RASGEF1C: variants seen among roughly 807,000 people sequenced by gnomAD.
RASGEF1C encodes the protein RasGEF domain family member 1C, also known as ras-GEF domain-containing family member 1C.
In RASGEF1C, 27 loss-of-function variants were observed where a neutral mutation model predicts 58.1. The ratio of observed to expected loss-of-function variants is 0.46; its 90% CI spans 0.34 to 0.64. The LOEUF is 0.64. Ranked by LOEUF, RASGEF1C falls within the 30% of genes least tolerant of loss-of-function variation. The pLI, the probability that RASGEF1C is intolerant of heterozygous loss-of-function variation, is 0.01. For missense variants in RASGEF1C, 502 were observed against 605.1 expected, an observed-to-expected ratio of 0.83 and a Z score of 1.79; for synonymous variants, 243 against 246.3, an observed-to-expected ratio of 0.99 and a Z score of 0.13.
At chr5:180,161,017 A>C (rs917743703) in intron 1 of RASGEF1C, among the ~76,000 whole-genome samples, 2 of 152,226 alleles carry the variant, frequency 1.3e-5, no homozygotes, top group African/African-American at 2.4e-5. Context: ...GGGTGCAAAG[A>C]GAGGCCGGGA....
chr5:180,197,303 G>T lies in RASGEF1C; in HGVS notation c.-7+11725C>A, dbSNP rs374245059. On this transcript the variant is annotated intron_variant, in intron 1 of 13. Transcript: ENST00000361132. This position sits in a 1 kb window ranked among gnomAD's most constrained non-coding sequence, Gnocchi z 4.7. ...AGCCCGAACCCTGGGACGGCAGGGGGAAGCAATGGCGGGATCCAGGGTGCT... is the reference window on the plus strand; with the variant it reads ...AGCCCGAACCCTGGGACGGCAGGGGTAAGCAATGGCGGGATCCAGGGTGCT... 1.8e-4 allele frequency among the ~76,000 whole-genome samples: 28 copies of T among 152,344 alleles called. No individual in the cohort carries two copies. In the South Asian group the frequency reaches 5.8e-3, roughly 32 times the overall value.
intron 6 of RASGEF1C, 100 bp downstream of exon 6, chr5:180,127,508 GC>G (rs1330902716): frequency 1.7e-6 from 2 of 1,205,370 alleles, no homozygotes; most frequent in East Asian, 5.5e-5. Context: ...CCCACTCTGG[GC>G]CACTCCAGCG....
At chr5:180,105,878 A>G (rs78828687) in intron 12 of RASGEF1C, among the ~76,000 whole-genome samples, 1 of 152,028 alleles carries the variant, frequency 6.6e-6, no homozygotes, top group South Asian at 2.1e-4. Flanking sequence ...AAAAAAAAAA[A>G]GAAGTAAAAT....
intron 6 of RASGEF1C, among the ~76,000 whole-genome samples, chr5:180,123,017 G>T (rs1355727819): frequency 6.6e-6 from 1 of 151,684 alleles, no homozygotes; most frequent in African/African-American, 2.4e-5. Flanking sequence ...CAAACACAAG[G>T]ATATAAGTAA....
At chr5:180,200,873 G>A (rs957376232) in intron 1 of RASGEF1C, among the ~76,000 whole-genome samples, 1 of 152,162 alleles carries the variant, frequency 6.6e-6, no homozygotes, top group African/African-American at 2.4e-5. Flanking sequence ...TTGGTGGGGT[G>A]AGGGCTCAGG....
At chr5:180,179,281 G>C (rs542173893) in intron 1 of RASGEF1C, among the ~76,000 whole-genome samples, 4 of 152,246 alleles carry the variant, frequency 2.6e-5, no homozygotes, top group Admixed American at 6.5e-5. Context: ...TGACTTGTCT[G>C]AGATGAGGGA....
chr5:180,199,654 C>G (rs925820128), intron 1 of RASGEF1C, among the ~76,000 whole-genome samples: 1 of 151,970 alleles, frequency 6.6e-6, no homozygotes, highest in South Asian at 2.1e-4. Flanking sequence ...GTGACCTCTG[C>G]CTTCCCTCCC....
intron 4 of RASGEF1C, among the ~76,000 whole-genome samples, chr5:180,128,900 G>A (rs13172734): frequency 0.26 from 39,237 of 152,160 alleles, 6,283 homozygotes; most frequent in East Asian, 0.47. Flanking sequence ...CGGGGGCCGG[G>A]GGCAGCTGTC....
At chr5:180,176,578 A>T (rs2098896271) in intron 1 of RASGEF1C, among the ~76,000 whole-genome samples, 1 of 139,348 alleles carries the variant, frequency 7.2e-6, no homozygotes. Flanking sequence ...TTTTTTTGAG[A>T]TGGAGTCTTG....
At chr5:180,138,835 G>A (rs1766530975) in intron 1 of RASGEF1C, among the ~76,000 whole-genome samples, 1 of 152,068 alleles carries the variant, frequency 6.6e-6, no homozygotes, top group Non-Finnish European at 1.5e-5. Flanking sequence ...TGCACATGCC[G>A]TTCCCTCCTG....
At position 180,158,877 on chromosome 5, in the gene RASGEF1C, C is replaced by G. The variant is rs1044528126; in HGVS notation, c.-6-20819G>C. Among the ~76,000 whole-genome samples the G allele has an allele frequency of 1.3e-5, 2 of 152,104 alleles. No homozygotes were observed. Among genetic ancestry groups the G allele is most frequent in the Non-Finnish European group, 2.9e-5 (2 of 68,020 alleles). ...TTTTCTCTGTCTAGAATTCTTAGCA[C>G]TCATTTTTGGACCCCCTGGACTTGT... On this transcript the variant is annotated intron_variant, in intron 1 of 13. Transcript: ENST00000361132. This position sits in a 1 kb window ranked among gnomAD's most constrained non-coding sequence, Gnocchi z 4.0.
chr5:180,119,579 TA>T, intron 7 of RASGEF1C, 131 bp from the exon 8 acceptor site: 1 of 686,978 alleles, frequency 1.5e-6, no homozygotes, highest in African/African-American at 1.8e-5. Flanking sequence ...AGGCTCAGGG[TA>T]AACAGGGTCT....
chr5:180,182,183 C>A (rs556272013), intron 1 of RASGEF1C, among the ~76,000 whole-genome samples: 32 of 100,620 alleles, frequency 3.2e-4, no homozygotes, highest in Admixed American at 2.3e-3. Flanking sequence ...CCAGCCTGGG[C>A]AACAGAGCAA....
intron 1 of RASGEF1C, among the ~76,000 whole-genome samples, chr5:180,169,540 G>A (rs1354399351): frequency 2.1e-5 from 3 of 142,490 alleles, no homozygotes; most frequent in Non-Finnish European, 4.6e-5. Flanking sequence ...GGCCCAAGGG[G>A]AAGGTCTGGA....
chr5:180,139,665 C>T (rs961592835), intron 1 of RASGEF1C, among the ~76,000 whole-genome samples: 3 of 152,202 alleles, frequency 2.0e-5, no homozygotes, highest in African/African-American at 4.8e-5. Flanking sequence ...CCAATGAAAC[C>T]GTAAAATTTC....
In RASGEF1C at chr5:180,102,144, C is replaced by G. The variant is rs753382293; in HGVS notation, c.1304-1G>C. 25 of 1,551,090 alleles carry G rather than the reference C, an allele frequency of 1.6e-5. No homozygotes were observed. Among genetic ancestry groups the G allele is most frequent in the Non-Finnish European group, 2.1e-5 (24 of 1,123,274 alleles). On this transcript the variant is annotated splice_acceptor_variant, in intron 12 of 13. Transcript: ENST00000361132. LOFTEE classifies it high-confidence loss of function. ...CTTTCGTAAGAAGCCAAATAAAGACCTAGACAGAAAATGAAGTGAAATTTC... is the reference window on the plus strand; with the variant it reads ...CTTTCGTAAGAAGCCAAATAAAGACGTAGACAGAAAATGAAGTGAAATTTC...
chr5:180,205,400 G>C (rs764568625), intron 1 of RASGEF1C, among the ~76,000 whole-genome samples: 1 of 152,118 alleles, frequency 6.6e-6, no homozygotes, highest in Non-Finnish European at 1.5e-5. Context: ...AAACATATAT[G>C]AGGAAAATTT....
intron 1 of RASGEF1C, among the ~76,000 whole-genome samples, chr5:180,140,026 G>C (rs1475548477): frequency 6.6e-6 from 1 of 152,218 alleles, no homozygotes; most frequent in Non-Finnish European, 1.5e-5. Flanking sequence ...GGGCCTTTCT[G>C]AAGGAGGCCA....
intron 12 of RASGEF1C, among the ~76,000 whole-genome samples, chr5:180,109,350 C>A (rs1211583190): frequency 6.6e-6 from 1 of 151,740 alleles, no homozygotes; most frequent in East Asian, 1.9e-4. Context: ...CCCAGCTACT[C>A]GGGAGGCTGA....
Sources: allele counts gnomAD v4.1 joint callset (sites outside exome capture counted in the v4.1 genomes callset), GRCh38; gene constraint gnomAD v4.1.1; non-coding constraint Gnocchi (gnomAD v3.1); transcripts MANE v1.5; gene names NCBI Gene and HGNC (gene_info 2026-07-23, HGNC 2026-07-21).